Variants in EPCAM observed in about 807,000 individuals in gnomAD.
EPCAM encodes adenocarcinoma-associated antigen.
Under a neutral mutation model 40.0 loss-of-function variants are expected in EPCAM, and 39 were observed. That is an observed-to-expected ratio of 0.98 (90% CI 0.76 to 1.27). The LOEUF is 1.27. Among genes scored for constraint, EPCAM ranks in the 50% most tolerant of loss-of-function variants. EPCAM has a pLI of 0.00. For missense variants in EPCAM, 503 were observed against 381.2 expected, an observed-to-expected ratio of 1.32 and a Z score of -2.66; for synonymous variants, 168 against 132.3, an observed-to-expected ratio of 1.27 and a Z score of -1.85.
chr2:47,370,752 C>G (rs548900993), intron 1 of EPCAM, among the ~76,000 whole-genome samples: 1 of 151,520 alleles, frequency 6.6e-6, no homozygotes, highest in African/African-American at 2.4e-5. Context: ...ATTTTTGAGA[C>G]AGAGTTTCGC....
At chr2:47,377,647 A>T (rs1486559140) in intron 5 of EPCAM, 1 of 292,406 alleles carries the variant, frequency 3.4e-6, no homozygotes, top group African/African-American at 2.3e-5. Context: ...GAGTTTTCTT[A>T]TCCTGGAGAA....
At position 47,373,782 on chromosome 2, in the gene EPCAM, G is replaced by C. The variant is rs758709379; in HGVS notation, c.185-26G>C. 43 of 1,613,456 alleles carry C rather than the reference G, an allele frequency of 2.7e-5. No individual in the cohort carries two copies. The Middle Eastern group carries it at 4.9e-4, about 19-fold the overall frequency. ...TAATCATGAAATCAGTTATTTTTCAGTTTGGCATTAAGGTTTCTTTTTCAG... is the reference window on the plus strand; with the variant it reads ...TAATCATGAAATCAGTTATTTTTCACTTTGGCATTAAGGTTTCTTTTTCAG... On this transcript the variant is annotated intron_variant, in intron 2 of 8. Coordinates refer to ENST00000263735, the MANE Select transcript of EPCAM (RefSeq NM_002354.3).
Position 47,379,880 on chromosome 2 carries a change from C to G in EPCAM, c.769C>G (p.Pro257Ala). The change falls in exon 7 of 9, where the codon CCT becomes GCT. Residue 257 changes from proline (P) to alanine (A), a missense_variant. Physicochemically the swap from Pro to Ala is conservative, Grantham distance 27. Transcript: ENST00000263735. ...TLIYYVDEKAPEFSMQGLKAG... is the reference protein window; with the variant it reads ...TLIYYVDEKAAEFSMQGLKAG... ...AATTTATTATGTTGATGAAAAAGCA[C>G]CTGAATTCTCAATGCAGGGTCTAAA... 1.2e-6 allele frequency: 2 copies of G among 1,614,086 alleles called. No homozygotes were observed. Among genetic ancestry groups the G allele is most frequent in the South Asian group, 1.1e-5 (1 of 91,078 alleles).
intron 5 of EPCAM, among the ~76,000 whole-genome samples, chr2:47,378,568 C>T (rs1007814808): frequency 6.6e-6 from 1 of 152,100 alleles, no homozygotes; most frequent in Non-Finnish European, 1.5e-5. Context: ...TCCCAAAGTG[C>T]TGGGATTACA....
At chr2:47,380,878 C>T (rs1671569568) in intron 7 of EPCAM, among the ~76,000 whole-genome samples, 1 of 151,814 alleles carries the variant, frequency 6.6e-6, no homozygotes, top group African/African-American at 2.4e-5. Flanking sequence ...CACTTGAGAT[C>T]AGAAGTTCGA....
intron 1 of EPCAM, 116 bp from the exon 2 acceptor site, chr2:47,373,347 T>C: frequency 1.4e-6 from 1 of 732,718 alleles, no homozygotes; most frequent in Admixed American, 2.4e-5. Flanking sequence ...TCAGAACCAC[T>C]TTTTAAGGTT....
chr2:47,372,968 G>A (rs1271241665), intron 1 of EPCAM, among the ~76,000 whole-genome samples: 1 of 152,016 alleles, frequency 6.6e-6, no homozygotes, highest in Non-Finnish European at 1.5e-5. Context: ...CACTTTGGGA[G>A]GCTGAGGCAG....
intron 8 of EPCAM, among the ~76,000 whole-genome samples, chr2:47,385,736 T>G (rs1671729556): frequency 6.6e-6 from 1 of 152,304 alleles, no homozygotes; most frequent in Non-Finnish European, 1.5e-5. Context: ...TCAATTTTTG[T>G]GTGTCTTTGT....
At chr2:47,372,455 T>G (rs1465626631) in intron 1 of EPCAM, among the ~76,000 whole-genome samples, 2 of 150,834 alleles carry the variant, frequency 1.3e-5, no homozygotes, top group East Asian at 3.9e-4. Context: ...CTGACCAACA[T>G]GGTGAAAACC....
At position 47,386,756 on chromosome 2, in the gene EPCAM, C is replaced by G. The variant is rs1573407414; in HGVS notation, c.*143C>G. ...TATTTGTAATAGTGAAACCTGTACT[C>G]AAAATATAAGCAGCTTGAAACTGGC... is the stretch of plus-strand genomic sequence containing the variant. On this transcript the variant is annotated 3_prime_UTR_variant, in exon 9 of 9. Coordinates refer to ENST00000263735, the MANE Select transcript of EPCAM (RefSeq NM_002354.3). The G allele has an allele frequency of 6.3e-6, 4 of 635,802 alleles. No individual in the cohort carries two copies. In the East Asian group the frequency reaches 1.1e-4, roughly 17 times the overall value. The allele number at this position is 635,802 out of a possible 1,614,324, so 39.4% of individuals were successfully genotyped here.
chr2:47,377,340 A>G (rs1671452991), intron 5 of EPCAM, among the ~76,000 whole-genome samples: 1 of 151,984 alleles, frequency 6.6e-6, no homozygotes. Flanking sequence ...AGGTTCAAGC[A>G]ATTCTCATGC....
At chr2:47,376,182 C>T (rs1054834333) in intron 4 of EPCAM, among the ~76,000 whole-genome samples, 1 of 150,296 alleles carries the variant, frequency 6.7e-6, no homozygotes, top group East Asian at 1.9e-4. Context: ...CATGAACTTG[C>T]TATTTTTAAA....
chr2:47,382,216 T>C (rs1317383835), intron 7 of EPCAM, among the ~76,000 whole-genome samples: 2 of 151,970 alleles, frequency 1.3e-5, no homozygotes, highest in Non-Finnish European at 2.9e-5. Flanking sequence ...TTCTTACAAA[T>C]TGATGAGGAA....
chr2:47,371,659 GCA>G, intron 1 of EPCAM, among the ~76,000 whole-genome samples: 1 of 152,190 alleles, frequency 6.6e-6, no homozygotes, highest in South Asian at 2.1e-4. Flanking sequence ...CAGAAAGTCT[GCA>G]CCTGACTGGT....
chr2:47,384,161 G>C (rs1234573029), intron 7 of EPCAM, among the ~76,000 whole-genome samples: 1 of 151,548 alleles, frequency 6.6e-6, no homozygotes, highest in Non-Finnish European at 1.5e-5. Flanking sequence ...GAGTGCAATG[G>C]TGCATGATCT....
rs1482886911 is a variant in EPCAM, at chr2:47,369,399, C to T, written c.-107C>T. The T allele has an allele frequency of 8.1e-7, 1 of 1,228,448 alleles. No homozygotes were observed. The highest frequency in any genetic ancestry group is 1.1e-6 in the Non-Finnish European group (1 of 944,668). 76.1% of individuals were successfully genotyped at this position (1,228,448 alleles called of 1,614,324 possible). Reference sequence around the variant, plus strand: ...GTCCTCCCGACGCGGACCCGCGTGCCCCAGGCCTCGCGCTGCCCGGCCGGC... The same window carrying T: ...GTCCTCCCGACGCGGACCCGCGTGCTCCAGGCCTCGCGCTGCCCGGCCGGC... On this transcript the variant is annotated 5_prime_UTR_variant, in exon 1 of 9. Transcript: ENST00000263735.
chr2:47,369,742 TC>T, intron 1 of EPCAM, 161 bp downstream of exon 1: 1 of 798,802 alleles, frequency 1.3e-6, no homozygotes, highest in Non-Finnish European at 2.2e-6. Context: ...GCTCAGGCCC[TC>T]CGCGCGGTAG....
At chr2:47,370,661 C>T (rs897071453) in intron 1 of EPCAM, among the ~76,000 whole-genome samples, 1 of 152,082 alleles carries the variant, frequency 6.6e-6, no homozygotes, top group Non-Finnish European at 1.5e-5. Context: ...TAGACTACGC[C>T]TCCCGGCCTC....
intron 1 of EPCAM, among the ~76,000 whole-genome samples, chr2:47,370,475 C>G (rs560710287): frequency 1.7e-3 from 262 of 152,112 alleles, no homozygotes; most frequent in African/African-American, 6.1e-3. Flanking sequence ...CGGGGTTTCT[C>G]CATGTTGGTC....
Sources: gnomAD v4.1 joint callset for allele counts (sites outside exome capture counted in the v4.1 genomes callset) on GRCh38, gnomAD v4.1.1 for gene constraint, MANE v1.5 for transcripts, NCBI Gene and HGNC (gene_info 2026-07-23, HGNC 2026-07-21) for gene names.